PCDHGA8: variants seen among roughly 807,000 people sequenced by gnomAD.
PCDHGA8 encodes protocadherin gamma subfamily A, 8.
A neutral mutation model predicts 59.2 loss-of-function variants in PCDHGA8; 45 were observed. That is an observed-to-expected ratio of 0.76 (90% CI 0.60 to 0.98). PCDHGA8 has a LOEUF of 0.98. Ranked by LOEUF, PCDHGA8 falls within the 50% of genes least tolerant of loss-of-function variation. The probability of loss-of-function intolerance (pLI) is 0.00; values close to 1 mark genes in which losing one functional copy is unlikely to be tolerated. For missense variants in PCDHGA8, 1,257 were observed against 1,196.2 expected (o/e 1.05, Z -0.75); for synonymous variants, 531 against 519.0 (o/e 1.02, Z -0.32).
chr5:141,509,300 G>A (rs987250093), intron 3 of PCDHGA8, among the ~76,000 whole-genome samples: 5 of 152,216 alleles, frequency 3.3e-5, no homozygotes, highest in African/African-American at 1.2e-4. Flanking sequence ...GGTGGAGGCA[G>A]AGGGAGGCTG....
At position 141,394,666 on chromosome 5, in the gene PCDHGA8, C is replaced by T. The variant is rs1175831509; in HGVS notation, c.1853C>T (p.Ser618Leu). 1.2e-6 allele frequency: 2 copies of T among 1,613,190 alleles called. No homozygotes were observed. ...AAGGCCAGCGAGCCGGGACTCTTCT[C>T]GGTGGGTCTGCACACGGGCGAGGTG... ...LLKASEPGLF[S>L]VGLHTGEVRT... Residue 618 changes from serine to leucine, a missense_variant, in exon 1 of 4, where the codon TCG (serine) becomes TTG (leucine). By Grantham distance (145) the Ser-to-Leu change is moderately radical. Transcript: ENST00000398604.
intron 1 of PCDHGA8, chr5:141,398,931 C>G (rs1442157400): frequency 6.2e-7 from 1 of 1,613,956 alleles, no homozygotes; most frequent in Admixed American, 1.7e-5. Flanking sequence ...CAGCCACTGA[C>G]CAAGACGAGG....
intron 1 of PCDHGA8, chr5:141,413,863 G>A (rs1367797365): frequency 1.9e-6 from 3 of 1,613,356 alleles, no homozygotes; most frequent in Admixed American, 1.7e-5. Flanking sequence ...ATCTGGCACT[G>A]TCCTTGTCAG....
chr5:141,478,409 G>A, intron 1 of PCDHGA8: 1 of 1,613,016 alleles, frequency 6.2e-7, no homozygotes, highest in South Asian at 1.1e-5. Flanking sequence ...TCTCACCACG[G>A]ACTCCCGCCG....
In PCDHGA8 at chr5:141,485,870, C is replaced by A. The variant is rs745737454; in HGVS notation, c.2425-8937C>A. On this transcript the variant is annotated intron_variant, in intron 1 of 3. Coordinates refer to ENST00000398604, the MANE Select transcript of PCDHGA8 (RefSeq NM_032088.2). The surrounding 1 kb of genome is among the most constrained non-coding windows in gnomAD (Gnocchi z 5.7). ...CACCGCAGAGCTCCGGGTATCCGTGCTGGACGTAAACGACAACGCCCCAGC... is the reference window on the plus strand; with the variant it reads ...CACCGCAGAGCTCCGGGTATCCGTGATGGACGTAAACGACAACGCCCCAGC... 1 of 1,614,174 alleles carries A rather than the reference C, an allele frequency of 6.2e-7. No homozygotes were observed. Among genetic ancestry groups the A allele is most frequent in the Non-Finnish European group, 8.5e-7 (1 of 1,180,032 alleles).
In PCDHGA8 at chr5:141,407,217, G is replaced by C. The variant is rs181833770; in HGVS notation, c.2424+11980G>C. 5.8e-3 allele frequency among the ~76,000 whole-genome samples: 885 copies of C among 151,964 alleles called. 4 individuals carry two copies. Among genetic ancestry groups the C allele is most frequent in the Non-Finnish European group, 9.1e-3 (620 of 67,966 alleles). ...TCAAACACGTTTTCCCCCTTAAGTG[G>C]GTAGCAAAAAAAATAAAGCATACTT... On this transcript the variant is annotated intron_variant, in intron 1 of 3. Transcript: ENST00000398604.
At chr5:141,433,358 CCTATCTATCTATCTATCTAT>C (rs3074541) in intron 1 of PCDHGA8, 19 of 503,934 alleles carry the variant, frequency 3.8e-5, no homozygotes, top group South Asian at 2.3e-4. Flanking sequence ...CTACTGTCTG[CCTATCTATCTATCTATCTAT>C]CTATCTATCT....
Position 141,415,740 on chromosome 5 carries a change from GTTTTTTTTTTTTTTTTTTT to G in PCDHGA8, c.2424+20517_2424+20535del, listed in dbSNP as rs57426385. ...TGAGTAGAATTTGATGTTTATTAAG[GTTTTTTTTTTTTTTTTTTT>G]TTTTTTTTTTTTTACTTTCTGGTAA... is the stretch of plus-strand genomic sequence containing the variant. On this transcript the variant is annotated intron_variant, in intron 1 of 3. Coordinates refer to ENST00000398604, the MANE Select transcript of PCDHGA8 (RefSeq NM_032088.2). The G allele has an allele frequency of 6.7e-5, 42 of 625,046 alleles. No individual in the cohort carries two copies. In the African/African-American group the frequency reaches 7.3e-4, roughly 11 times the overall value. 38.7% of individuals were successfully genotyped at this position (625,046 alleles called of 1,614,324 possible).
intron 3 of PCDHGA8, 133 bp downstream of exon 3, chr5:141,505,614 AC>A: frequency 6.6e-7 from 1 of 1,510,758 alleles, no homozygotes; most frequent in Non-Finnish European, 8.9e-7. Flanking sequence ...GTCTGAAAGG[AC>A]CCACAATTCC....
chr5:141,403,416 C>G, intron 1 of PCDHGA8: 1 of 1,614,034 alleles, frequency 6.2e-7, no homozygotes, highest in Non-Finnish European at 8.5e-7. Flanking sequence ...TATCCACTTC[C>G]AGAAGCTATT....
Position 141,393,949 on chromosome 5 carries a change from A to G in PCDHGA8, c.1136A>G (p.Asn379Ser), listed in dbSNP as rs370166968. 2.5e-6 allele frequency: 4 copies of G among 1,613,874 alleles called. No individual in the cohort carries two copies. The highest frequency in any genetic ancestry group is 3.4e-6 in the Non-Finnish European group (4 of 1,179,890). ...LSVHDQDSGKNGQVVCYTRDN... is the reference protein window; with the variant it reads ...LSVHDQDSGKSGQVVCYTRDN... Reference sequence around the variant, plus strand: ...GTGCATGACCAAGACTCTGGAAAGAATGGTCAAGTTGTCTGTTACACACGT... The same window carrying G: ...GTGCATGACCAAGACTCTGGAAAGAGTGGTCAAGTTGTCTGTTACACACGT... Residue 379 changes from asparagine to serine, a missense_variant, in exon 1 of 4, where the codon AAT becomes AGT. Coordinates refer to ENST00000398604, the MANE Select transcript of PCDHGA8 (RefSeq NM_032088.2).
intron 1 of PCDHGA8, chr5:141,430,826 C>A: frequency 6.4e-7 from 1 of 1,550,416 alleles, no homozygotes; most frequent in Non-Finnish European, 8.7e-7. Flanking sequence ...CCTGGGGACT[C>A]TGTGGGAGAC....
Position 141,432,473 on chromosome 5 carries a change from T to G in PCDHGA8, c.2424+37236T>G. On this transcript the variant is annotated intron_variant, in intron 1 of 3. Coordinates refer to ENST00000398604, the MANE Select transcript of PCDHGA8 (RefSeq NM_032088.2). The surrounding 1 kb of genome is among the most constrained non-coding windows in gnomAD (Gnocchi z 6.0). ...GTACCCCGCCCTCCCCACGGACGGT[T>G]CCACTGGCGTGGAGCTGGCTCCCCG... 1 of 1,614,180 alleles carries G rather than the reference T, an allele frequency of 6.2e-7. No individual in the cohort carries two copies. The highest frequency in any genetic ancestry group is 1.1e-5 in the South Asian group (1 of 91,078).
At position 141,477,415 on chromosome 5, in the gene PCDHGA8, A is replaced by T. The variant is rs771293212; in HGVS notation, c.2425-17392A>T. On this transcript the variant is annotated intron_variant, in intron 1 of 3. Coordinates refer to ENST00000398604, the MANE Select transcript of PCDHGA8 (RefSeq NM_032088.2). This position sits in a 1 kb window ranked among gnomAD's most constrained non-coding sequence, Gnocchi z 4.9. ...TCAGCATCACCGCCCGAGACGCCGG[A>T]ACCCCTTCCCTCTCAGCCCTTACAA... 12 of 1,614,162 alleles carry T rather than the reference A, an allele frequency of 7.4e-6. No individual in the cohort carries two copies. The highest frequency in any genetic ancestry group is 1.0e-5 in the Non-Finnish European group (12 of 1,180,020).
intron 1 of PCDHGA8, chr5:141,414,697 T>C (rs748722995): frequency 6.2e-7 from 1 of 1,614,036 alleles, no homozygotes; most frequent in Non-Finnish European, 8.5e-7. Flanking sequence ...TCTGTCCTCA[T>C]ACATATCCAT....
rs1430298222 is a variant in PCDHGA8, at chr5:141,476,741, A to C, written c.2425-18066A>C. ...CGCCCTGGACCGAGAACGGGAGCCTAGTCTCCAGTTAGTGCTGACGGCGTT... is the reference window on the plus strand; with the variant it reads ...CGCCCTGGACCGAGAACGGGAGCCTCGTCTCCAGTTAGTGCTGACGGCGTT... On this transcript the variant is annotated intron_variant, in intron 1 of 3. Coordinates refer to ENST00000398604, the MANE Select transcript of PCDHGA8 (RefSeq NM_032088.2). The surrounding 1 kb of genome is among the most constrained non-coding windows in gnomAD (Gnocchi z 7.6). 1 of 1,613,936 alleles carries C rather than the reference A, an allele frequency of 6.2e-7. No homozygotes were observed. Among genetic ancestry groups the C allele is most frequent in the South Asian group, 1.1e-5 (1 of 91,088 alleles).
rs201408987 is a variant in PCDHGA8, at chr5:141,476,857, C to T, written c.2425-17950C>T. 12 of 1,613,768 alleles carry T rather than the reference C, an allele frequency of 7.4e-6. No individual in the cohort carries two copies. The highest frequency in any genetic ancestry group is 1.0e-5 in the Non-Finnish European group (12 of 1,180,054). ...ACAATGCGCCTGTCTTCAACCAGTC[C>T]TTGTACCGGGCGCGCGTCCTGGAGG... On this transcript the variant is annotated intron_variant, in intron 1 of 3. Transcript: ENST00000398604. The surrounding 1 kb of genome is among the most constrained non-coding windows in gnomAD (Gnocchi z 7.6).
intron 1 of PCDHGA8, chr5:141,422,432 A>T: frequency 6.2e-7 from 1 of 1,609,448 alleles, no homozygotes; most frequent in South Asian, 1.1e-5. Context: ...TATGGAAATT[A>T]TTACAAATTG....
In PCDHGA8 at chr5:141,392,739, A is replaced by G. The variant is rs1024855569; in HGVS notation, c.-75A>G. On this transcript the variant is annotated 5_prime_UTR_variant, in exon 1 of 4. It adds an upstream start codon to the 5' untranslated region. Transcript: ENST00000398604. ...GTTTCCGGAGGATTGTCATCTCCAT[A>G]GCTGCGGCAAGAAACTAAATAAGAC... The G allele has an allele frequency of 2.1e-5, 30 of 1,432,662 alleles. No individual in the cohort carries two copies. The African/African-American group carries it at 4.2e-4, about 20-fold the overall frequency. 88.7% of individuals were successfully genotyped at this position (1,432,662 alleles called of 1,614,324 possible).
Sources: allele counts gnomAD v4.1 joint callset (sites outside exome capture counted in the v4.1 genomes callset), GRCh38; gene constraint gnomAD v4.1.1; non-coding constraint Gnocchi (gnomAD v3.1); transcripts MANE v1.5; gene names NCBI Gene and HGNC (gene_info 2026-07-23, HGNC 2026-07-21).